Variants in TSG101 observed in about 807,000 individuals in gnomAD.
TSG101 encodes the protein tumor susceptibility gene 101 protein.
TSG101 carries 19 observed loss-of-function variants against 48.5 expected under a neutral mutation model. That is an observed-to-expected ratio of 0.39 (90% CI 0.27 to 0.58). TSG101 has a LOEUF of 0.58. TSG101 is among the 20% of genes least tolerant of loss of function. The pLI is 0.55. For missense variants in TSG101, 365 were observed against 484.4 expected (o/e 0.75, Z 2.31); for synonymous variants, 174 against 169.4 (o/e 1.03, Z -0.21).
At position 18,480,458 on chromosome 11, in the gene TSG101, C is replaced by A; in HGVS notation, c.*88G>T. On this transcript the variant is annotated 3_prime_UTR_variant, in exon 10 of 10. Transcript: ENST00000251968. ...AAATATTTTACACTTGAATGATAAA[C>A]TGCAATAACTTATTCTGGGCACCTA... 1 of 945,596 alleles carries A rather than the reference C, an allele frequency of 1.1e-6. No individual in the cohort carries two copies. The highest frequency in any genetic ancestry group is 1.6e-6 in the Non-Finnish European group (1 of 631,230). The allele number at this position is 945,596 out of a possible 1,614,324, so 58.6% of individuals were successfully genotyped here. A position where few individuals can be genotyped will look rare whatever the true frequency, so the allele number is the denominator to read the frequency against.
At chr11:18,496,226 G>C (rs1428268108) in intron 7 of TSG101, among the ~76,000 whole-genome samples, 2 of 152,022 alleles carry the variant, frequency 1.3e-5, no homozygotes, top group Non-Finnish European at 2.9e-5. Flanking sequence ...CACTTTGGGA[G>C]GCCGAGGCAG....
At chr11:18,506,611 A>T (rs1448026473) in intron 6 of TSG101, among the ~76,000 whole-genome samples, 1 of 151,972 alleles carries the variant, frequency 6.6e-6, no homozygotes, top group East Asian at 1.9e-4. Context: ...AATCACTTGA[A>T]CTGGGGAAGT....
chr11:18,490,422 A>G (rs745921247), intron 7 of TSG101: 23 of 580,466 alleles, frequency 4.0e-5, no homozygotes, highest in African/African-American at 2.5e-4. Flanking sequence ...AGTAGAGTTT[A>G]GAATCTCATA....
intron 6 of TSG101, among the ~76,000 whole-genome samples, 168 bp downstream of exon 6, chr11:18,506,689 C>CA (rs201817783): frequency 0.015 from 2,257 of 150,840 alleles, 20 homozygotes; most frequent in Non-Finnish European, 0.017. Flanking sequence ...GACTCCATCT[C>CA]AAAAAAAATA....
At chr11:18,521,160 T>G (rs1318189206) in intron 1 of TSG101, among the ~76,000 whole-genome samples, 2 of 152,132 alleles carry the variant, frequency 1.3e-5, no homozygotes, top group Admixed American at 6.5e-5. Flanking sequence ...CAGCAACCAC[T>G]GATGCTCAAC....
chr11:18,502,745 G>T lies in TSG101; in HGVS notation c.549-168C>A, dbSNP rs2698565. 3.0e-3 allele frequency among the ~76,000 whole-genome samples: 457 copies of T among 152,328 alleles called. 3 individuals are homozygous for T. Among genetic ancestry groups the T allele is most frequent in the African/African-American group, 0.01 (422 of 41,574 alleles). The stretch of plus-strand genomic sequence containing the variant: ...ATTCAAGTAAAGCTCTATGGAAATT[G>T]TATTAATGACACTGCATTTACTCTT... On this transcript the variant is annotated intron_variant, in intron 6 of 9. Transcript: ENST00000251968.
intron 7 of TSG101, among the ~76,000 whole-genome samples, chr11:18,497,133 A>T (rs1346523326): frequency 6.6e-6 from 1 of 152,088 alleles, no homozygotes; most frequent in East Asian, 1.9e-4. Context: ...AACCAAATTC[A>T]TTCTTTCTCA....
intron 7 of TSG101, among the ~76,000 whole-genome samples, chr11:18,494,862 A>G (rs1222979261): frequency 2.0e-5 from 3 of 152,234 alleles, no homozygotes; most frequent in Non-Finnish European, 4.4e-5. Context: ...ATTGGATAAG[A>G]CAGTCAAGAA....
At chr11:18,493,650 A>G (rs1055998499) in intron 7 of TSG101, among the ~76,000 whole-genome samples, 1 of 152,206 alleles carries the variant, frequency 6.6e-6, no homozygotes, top group Non-Finnish European at 1.5e-5. Flanking sequence ...GTAATCCCAC[A>G]CAGTAGCTTA....
At chr11:18,523,921 GCTAGGA>G (rs1850322673) in intron 1 of TSG101, among the ~76,000 whole-genome samples, 4 of 152,176 alleles carry the variant, frequency 2.6e-5, no homozygotes, top group Admixed American at 2.0e-4. Flanking sequence ...TTCTCAAGTA[GCTAGGA>G]CTACAGGTGC....
chr11:18,522,321 C>A (rs1442968014), intron 1 of TSG101, among the ~76,000 whole-genome samples: 1 of 152,196 alleles, frequency 6.6e-6, no homozygotes, highest in Non-Finnish European at 1.5e-5. Context: ...CTGAACTCCT[C>A]ATCTTCTCCC....
chr11:18,483,690 C>T (rs1226454171), intron 8 of TSG101, 180 bp downstream of exon 8: 7 of 666,814 alleles, frequency 1.0e-5, no homozygotes, highest in Middle Eastern at 4.1e-4. Flanking sequence ...CAATCTAAGA[C>T]CAAATGCCAA....
chr11:18,481,223 G>A, intron 9 of TSG101: 1 of 931,630 alleles, frequency 1.1e-6, no homozygotes, highest in Non-Finnish European at 1.3e-6. Flanking sequence ...ATACTTTGAT[G>A]TGGGAAAACT....
intron 7 of TSG101, among the ~76,000 whole-genome samples, chr11:18,488,081 TCA>T (rs1274892167): frequency 1.3e-5 from 2 of 152,018 alleles, no homozygotes; most frequent in East Asian, 3.9e-4. Context: ...AATATAACCA[TCA>T]CAGAAGAAAA....
chr11:18,481,448 C>A, intron 9 of TSG101, 182 bp downstream of exon 9: 2 of 1,400,086 alleles, frequency 1.4e-6, no homozygotes, highest in Non-Finnish European at 1.9e-6. Context: ...CCTGCTCAGA[C>A]CAATCCTCAG....
chr11:18,489,137 A>G (rs111746229), intron 7 of TSG101, among the ~76,000 whole-genome samples: 6 of 152,062 alleles, frequency 3.9e-5, no homozygotes, highest in African/African-American at 1.4e-4. Context: ...GATGGTGGGA[A>G]AGAATGTTTT....
chr11:18,516,267 G>C (rs898238319), intron 2 of TSG101, 103 bp from the exon 3 acceptor site: 10 of 961,074 alleles, frequency 1.0e-5, no homozygotes, highest in South Asian at 4.4e-5. Flanking sequence ...ATCCTTGAAA[G>C]GGGCTGACCT....
Position 18,499,284 on chromosome 11 carries a change from TCA to T in TSG101, c.640+3200_640+3201del, listed in dbSNP as rs1186227423. Among the ~76,000 whole-genome samples the T allele has an allele frequency of 1.0e-4, 12 of 115,254 alleles. No individual in the cohort carries two copies. In the Admixed American group the frequency reaches 1.2e-3, roughly 11 times the overall value. The allele number at this position is 115,254 out of a possible 152,430, so 75.6% of individuals were successfully genotyped here. ...TATATTTTATATATATTTATATATATCATATATATTTATATTTATATATTTAT... is the reference window on the plus strand; with the variant it reads ...TATATTTTATATATATTTATATATATTATATATTTATATTTATATATTTAT... On this transcript the variant is annotated intron_variant, in intron 7 of 9. Coordinates refer to ENST00000251968, the MANE Select transcript of TSG101 (RefSeq NM_006292.4).
At chr11:18,496,142 A>G (rs1313220563) in intron 7 of TSG101, among the ~76,000 whole-genome samples, 2 of 152,170 alleles carry the variant, frequency 1.3e-5, no homozygotes, top group Non-Finnish European at 2.9e-5. Flanking sequence ...TAAATTTTAA[A>G]TCTTTCTTAA....
Sources: gnomAD v4.1 joint callset for allele counts (sites outside exome capture counted in the v4.1 genomes callset) on GRCh38, gnomAD v4.1.1 for gene constraint, MANE v1.5 for transcripts, NCBI Gene and HGNC (gene_info 2026-07-23, HGNC 2026-07-21) for gene names.